The following SLCO2B1 variants were observed in gnomAD, a reference collection of about 807,000 sequenced individuals.
SLCO2B1 encodes the protein OATP-RP2.
In SLCO2B1, 41 loss-of-function variants were observed where a neutral mutation model predicts 67.3. The ratio of observed to expected loss-of-function variants is 0.61; its 90% CI spans 0.47 to 0.79. The LOEUF is 0.79. Among genes scored for constraint, SLCO2B1 ranks in the 30% least tolerant of loss-of-function variants. SLCO2B1 has a pLI of 0.00. For missense variants in SLCO2B1, 837 were observed against 920.1 expected (o/e 0.91, Z 1.17); for synonymous variants, 379 against 381.4 (o/e 0.99, Z 0.07).
chr11:75,176,147 G>A lies in SLCO2B1; in HGVS notation c.972+3578G>A, dbSNP rs1048631415. On this transcript the variant is annotated intron_variant, in intron 7 of 13. Coordinates refer to ENST00000289575, the MANE Select transcript of SLCO2B1 (RefSeq NM_007256.5). ...GACTCCTGGCAGATGGCTCTGCAGG[G>A]TCTGTGGGGTAAAGATGGTCTCTTG... is the stretch of plus-strand genomic sequence containing the variant. Among the ~76,000 whole-genome samples, 25 of 152,210 alleles carry A rather than the reference G, an allele frequency of 1.6e-4. 1 individual carries two copies. The highest frequency in any genetic ancestry group is 5.8e-4 in the African/African-American group (24 of 41,462).
At chr11:75,200,123 G>A (rs1490415947) in intron 10 of SLCO2B1, 101 bp from the exon 11 acceptor site, 15 of 1,274,506 alleles carry the variant, frequency 1.2e-5, no homozygotes, top group Non-Finnish European at 1.6e-5. Flanking sequence ...CCAACTGGCT[G>A]TGGAACTTGG....
intron 3 of SLCO2B1, among the ~76,000 whole-genome samples, chr11:75,164,758 C>T (rs1471099079): frequency 6.6e-6 from 1 of 152,198 alleles, no homozygotes; most frequent in Non-Finnish European, 1.5e-5. Flanking sequence ...TCATATTTCT[C>T]ACAACCCAAG....
intron 1 of SLCO2B1, among the ~76,000 whole-genome samples, chr11:75,158,982 ACT>A (rs574325590): frequency 1.6e-3 from 247 of 152,154 alleles, no homozygotes; most frequent in Non-Finnish European, 2.4e-3. Flanking sequence ...GAGAAGGCTG[ACT>A]CTACCCATGA....
rs375053508 is a variant in SLCO2B1 at position 75,193,519 on chromosome 11, G to A, written c.1377G>A (p.Pro459=). ...GMLLCLFFSL[P]LFFIGCSSHQ... is the part of the protein sequence containing the mutation. ...TGCTGTGCCTCTTCTTCAGCCTGCC[G>A]CTCTTCTTTATCGGCTGCTCCAGCC... The change falls in exon 9 of 14, where the codon CCG becomes CCA. Residue 459 remains proline, a synonymous_variant. Transcript: ENST00000289575. The surrounding 1 kb of genome is among the most constrained non-coding windows in gnomAD (Gnocchi z 4.2). 3.2e-5 allele frequency: 51 copies of A among 1,593,130 alleles called. No homozygotes were observed. The highest frequency in any genetic ancestry group is 6.7e-5 in the East Asian group (3 of 44,592).
At chr11:75,189,926 C>A (rs1482489369) in intron 8 of SLCO2B1, among the ~76,000 whole-genome samples, 3 of 150,506 alleles carry the variant, frequency 2.0e-5, no homozygotes, top group Non-Finnish European at 4.4e-5. Context: ...CTGGCCGCTG[C>A]GCTCCAGCCT....
At chr11:75,198,280 C>T (rs562732830) in intron 10 of SLCO2B1, among the ~76,000 whole-genome samples, 1 of 152,292 alleles carries the variant, frequency 6.6e-6, no homozygotes, top group African/African-American at 2.4e-5. Context: ...TTACCTTAGG[C>T]AAATTATTTA....
At chr11:75,164,444 G>C (rs2712815) in intron 3 of SLCO2B1, among the ~76,000 whole-genome samples, 64,846 of 152,068 alleles carry the variant, frequency 0.43, 16,454 homozygotes, top group Non-Finnish European at 0.58. Context: ...CACTTCAACA[G>C]TAGTGAGAGA....
At chr11:75,204,262 C>T in intron 13 of SLCO2B1, 138 bp from the exon 14 acceptor site, 1 of 890,832 alleles carries the variant, frequency 1.1e-6, no homozygotes. Context: ...TCTCCCCCTC[C>T]TCCAGGGAAG....
rs753504866 is a variant in SLCO2B1, at chr11:75,172,412, G to T, written c.815G>T (p.Trp272Leu). Residue 272 changes from tryptophan (W) to leucine (L), a missense_variant, in exon 7 of 14, where the codon TGG becomes TTG. Coordinates refer to ENST00000289575, the MANE Select transcript of SLCO2B1 (RefSeq NM_007256.5). ...AGCCTGACCATAAAGGACCCCCGATGGGTGGGTGCCTGGTGGCTGGGTTTC... is the reference window on the plus strand; with the variant it reads ...AGCCTGACCATAAAGGACCCCCGATTGGTGGGTGCCTGGTGGCTGGGTTTC... Reference protein sequence around the residue: ...GISLTIKDPRWVGAWWLGFLI... With the variant: ...GISLTIKDPRLVGAWWLGFLI... 6.2e-7 allele frequency: 1 copy of T among 1,614,104 alleles called. No individual in the cohort carries two copies.
At position 75,188,113 on chromosome 11, in the gene SLCO2B1, C is replaced by G. The variant is rs373437865; in HGVS notation, c.973-23C>G. ...GGGTTGCTGGCATCCAGCGGACTGT[C>G]CTTGGTTTTGTGTCTCCTTCAGGGC... On this transcript the variant is annotated intron_variant, in intron 7 of 13. Coordinates refer to ENST00000289575, the MANE Select transcript of SLCO2B1 (RefSeq NM_007256.5). 5.5e-5 allele frequency: 86 copies of G among 1,576,408 alleles called. No individual in the cohort carries two copies. The African/African-American group carries it at 1.1e-3, about 20-fold the overall frequency.
intron 3 of SLCO2B1, 36 bp downstream of exon 3, chr11:75,164,136 A>AG: frequency 1.3e-6 from 2 of 1,594,288 alleles, no homozygotes; most frequent in Non-Finnish European, 1.7e-6. Flanking sequence ...GTGGACACTG[A>AG]GGGAGGCTTG....
intron 2 of SLCO2B1, among the ~76,000 whole-genome samples, chr11:75,163,355 C>A (rs1356080128): frequency 2.0e-5 from 3 of 152,114 alleles, no homozygotes; most frequent in Non-Finnish European, 4.4e-5. Flanking sequence ...CTTAGGAATT[C>A]TCTTAGAGTT....
At position 75,188,133 on chromosome 11, in the gene SLCO2B1, C is replaced by T. The variant is rs1217320126; in HGVS notation, c.973-3C>T. 6.2e-7 allele frequency: 1 copy of T among 1,610,140 alleles called. No individual in the cohort carries two copies. Among genetic ancestry groups the T allele is most frequent in the Non-Finnish European group, 8.5e-7 (1 of 1,177,176 alleles). Reference sequence around the variant, plus strand: ...ACTGTCCTTGGTTTTGTGTCTCCTTCAGGGCAAGGACTCTCCCTCTAAGCA... The same window carrying T: ...ACTGTCCTTGGTTTTGTGTCTCCTTTAGGGCAAGGACTCTCCCTCTAAGCA... On this transcript the variant is annotated splice_region_variant and splice_polypyrimidine_tract_variant and intron_variant, in intron 7 of 13. Transcript: ENST00000289575.
intron 1 of SLCO2B1, chr11:75,152,300 C>T (rs988498471): frequency 5.9e-5 from 9 of 152,502 alleles, no homozygotes; most frequent in Middle Eastern, 3.4e-3. Flanking sequence ...TTGATCCTCC[C>T]CTGGGCTGTG....
At chr11:75,167,018 G>A (rs1398090074) in intron 4 of SLCO2B1, among the ~76,000 whole-genome samples, 1 of 152,198 alleles carries the variant, frequency 6.6e-6, no homozygotes, top group Non-Finnish European at 1.5e-5. Context: ...GCGTGAGCAC[G>A]GGCAACTCTG....
chr11:75,155,527 G>A (rs987889802), intron 1 of SLCO2B1, among the ~76,000 whole-genome samples: 1 of 152,058 alleles, frequency 6.6e-6, no homozygotes, highest in Non-Finnish European at 1.5e-5. Flanking sequence ...GCACAATCTC[G>A]GCTCACTGCA....
chr11:75,159,253 C>G (rs531654380), intron 1 of SLCO2B1, among the ~76,000 whole-genome samples: 1 of 152,230 alleles, frequency 6.6e-6, no homozygotes. Context: ...AGACCCATTG[C>G]GGGCCAGCTC....
intron 1 of SLCO2B1, among the ~76,000 whole-genome samples, chr11:75,159,408 G>A (rs374040030): frequency 1.0e-3 from 156 of 152,294 alleles, no homozygotes; most frequent in African/African-American, 3.1e-3. Flanking sequence ...GCAGGCAACC[G>A]CCTGCCCAGC....
At chr11:75,165,528 C>T (rs1434881006) in intron 3 of SLCO2B1, among the ~76,000 whole-genome samples, 1 of 152,172 alleles carries the variant, frequency 6.6e-6, no homozygotes, top group Non-Finnish European at 1.5e-5. Context: ...GCCCATCCTT[C>T]CCCATGTTCT....
Sources: gnomAD v4.1 joint callset for allele counts (sites outside exome capture counted in the v4.1 genomes callset) on GRCh38, gnomAD v4.1.1 for gene constraint, Gnocchi (gnomAD v3.1) non-coding constraint, MANE v1.5 for transcripts, NCBI Gene and HGNC (gene_info 2026-07-23, HGNC 2026-07-21) for gene names.